ACP4: variants seen among roughly 807,000 people sequenced by gnomAD.
The protein encoded by ACP4 is testicular acid phosphatase.
Under a neutral mutation model 47.3 loss-of-function variants are expected in ACP4, and 49 were observed. The ratio of observed to expected loss-of-function variants is 1.04; its 90% CI spans 0.82 to 1.32. ACP4 has a LOEUF of 1.32. Ranked by LOEUF, ACP4 falls within the 40% of genes most tolerant of loss-of-function variation. The pLI is 0.00. For missense variants in ACP4, 594 were observed against 579.3 expected, an observed-to-expected ratio of 1.03 and a Z score of -0.26; for synonymous variants, 299 against 265.3, an observed-to-expected ratio of 1.13 and a Z score of -1.23.
At position 50,794,853 on chromosome 19, in the gene ACP4, G is replaced by A. The variant is rs1220000432; in HGVS notation, c.1054G>A (p.Gly352Arg). ...AHLPLPLSLP[G>R]CPAPCPLGRF... ...CCTGCCCCTGCCTCTCAGCCTCCCC[G>A]GGTGCCCGGCCCCCTGTCCACTAGG... The change falls in exon 10 of 11, where the codon GGG (glycine) becomes AGG (arginine). Residue 352 changes from glycine (G) to arginine (R), a missense_variant. Transcript: ENST00000270593. 1.1e-5 allele frequency: 17 copies of A among 1,613,584 alleles called. No individual in the cohort carries two copies. The highest frequency in any genetic ancestry group is 5.5e-5 in the South Asian group (5 of 90,980).
At chr19:50,791,200 T>C (rs1463106275) in intron 3 of ACP4, among the ~76,000 whole-genome samples, 1 of 152,182 alleles carries the variant, frequency 6.6e-6, no homozygotes, top group Non-Finnish European at 1.5e-5. Context: ...TGACGTAACT[T>C]GCCCTCTTGA....
Position 50,790,655 on chromosome 19 carries a change from T to G in ACP4, c.173T>G (p.Val58Gly). 7.2e-7 allele frequency: 1 copy of G among 1,389,772 alleles called. No individual in the cohort carries two copies. The highest frequency in any genetic ancestry group is 9.6e-7 in the Non-Finnish European group (1 of 1,045,824). The allele number at this position is 1,389,772 out of a possible 1,614,324, so 86.1% of individuals were successfully genotyped here. Residue 58 changes from valine to glycine, a missense_variant, in exon 2 of 11, where the codon GTG becomes GGG. Physicochemically the swap from Val to Gly is moderately radical, Grantham distance 109. Coordinates refer to ENST00000270593, the MANE Select transcript of ACP4 (RefSeq NM_033068.3). ...ASYPMDPHKE[V>G]ASTLWPRGLG... ...TACCCCATGGACCCACACAAGGAGGTGGCCTCCACCCTGTGGCCACGAGGC... is the reference window on the plus strand; with the variant it reads ...TACCCCATGGACCCACACAAGGAGGGGGCCTCCACCCTGTGGCCACGAGGC...
At chr19:50,793,471 C>T (rs547688536) in intron 6 of ACP4, 42 of 644,870 alleles carry the variant, frequency 6.5e-5, no homozygotes, top group African/African-American at 5.3e-4. Flanking sequence ...GCCAAGATTG[C>T]GCTACTGCAC....
intron 6 of ACP4, chr19:50,793,325 C>G (rs1436732672): frequency 1.3e-5 from 3 of 228,678 alleles, no homozygotes. Flanking sequence ...GTCTGACCAA[C>G]ACGGTAAAAC....
intron 6 of ACP4, chr19:50,792,628 G>C (rs2089519877): frequency 1.8e-4 from 45 of 251,248 alleles, no homozygotes; most frequent in East Asian, 3.1e-4. Flanking sequence ...CCTATAATCA[G>C]AAAACCCAAA....
rs746484672 is a variant in ACP4 at position 50,791,621 on chromosome 19, G to GACCCCCCGCGTGCCCTCTCTCC, written c.304-29_304-8dup. The GACCCCCCGCGTGCCCTCTCTCC allele has an allele frequency of 1.9e-6, 3 of 1,590,010 alleles. No homozygotes were observed. The East Asian group carries it at 6.8e-5, about 36-fold the overall frequency. On this transcript the variant is annotated intron_variant, in intron 3 of 10. Coordinates refer to ENST00000270593, the MANE Select transcript of ACP4 (RefSeq NM_033068.3). ...ACAGCTGACCTCTGTCCCCAACCAC[G>GACCCCCCGCGTGCCCTCTCTCC]ACCCCCCGCGTGCCCTCTCTCCACC...
In ACP4 at chr19:50,791,661, C is replaced by CATCCGCA; in HGVS notation, c.310_316dup (p.Ser106AsnfsTer7). 6.2e-7 allele frequency: 1 copy of CATCCGCA among 1,611,268 alleles called. No homozygotes were observed. The highest frequency in any genetic ancestry group is 8.5e-7 in the Non-Finnish European group (1 of 1,178,398). On this transcript the variant is annotated frameshift_variant, in exon 4 of 11. Coordinates refer to ENST00000270593, the MANE Select transcript of ACP4 (RefSeq NM_033068.3). LOFTEE classifies it high-confidence loss of function. ...CTCTCTCCACCCCGCTCCAGGTGTA[C>CATCCGCA]ATCCGCAGCACGGACTTTGACCGCA...
intron 8 of ACP4, among the ~76,000 whole-genome samples, chr19:50,794,182 T>C (rs537009638): frequency 6.6e-6 from 1 of 152,296 alleles, no homozygotes; most frequent in South Asian, 2.1e-4. Flanking sequence ...ATAAATATAA[T>C]TCCTTGTTTT....
At chr19:50,792,511 G>A in intron 6 of ACP4, 174 bp downstream of exon 6, 1 of 634,076 alleles carries the variant, frequency 1.6e-6, no homozygotes, top group Non-Finnish European at 2.7e-6. Flanking sequence ...GACGCTGTGA[G>A]GATTCAAATG....
At chr19:50,794,751 G>T (rs2123294573) in intron 9 of ACP4, 35 bp from the exon 10 acceptor site, 1 of 1,576,578 alleles carries the variant, frequency 6.3e-7, no homozygotes, top group Non-Finnish European at 8.6e-7. Context: ...TCAATGACAG[G>T]AGGGAGGAGG....
At position 50,790,866 on chromosome 19, in the gene ACP4, GC is replaced by G; in HGVS notation, c.303+8del. 6.5e-7 allele frequency: 1 copy of G among 1,544,336 alleles called. No homozygotes were observed. Among genetic ancestry groups the G allele is most frequent in the Non-Finnish European group, 8.7e-7 (1 of 1,144,536 alleles). On this transcript the variant is annotated splice_region_variant and intron_variant, in intron 3 of 10. Coordinates refer to ENST00000270593, the MANE Select transcript of ACP4 (RefSeq NM_033068.3). ...CGGAGTACCGGCGGGAGGAGGTAGG[GC>G]CATAGTGACCCCCACCTGGCCCCCT...
chr19:50,794,511 ACCCCGCCATATGCTGCCTG>A lies in ACP4; in HGVS notation c.919_937del (p.Pro307SerfsTer47). 6.3e-7 allele frequency: 1 copy of A among 1,597,174 alleles called. No homozygotes were observed. Among genetic ancestry groups the A allele is most frequent in the Non-Finnish European group, 8.5e-7 (1 of 1,172,272 alleles). ...GGCCCTGGGCCTCTATGATGGACAC[ACCCCGCCATATGCTGCCTG>A]CCTCGGCTTTGAGTTCCGGAAGCAC... On this transcript the variant is annotated frameshift_variant, in exon 9 of 11. Transcript: ENST00000270593. LOFTEE classifies it high-confidence loss of function.
Position 50,792,156 on chromosome 19 carries a change from C to G in ACP4, c.534C>G (p.Ala178=). The change falls in exon 5 of 11, where the codon GCC becomes GCG. Residue 178 remains alanine, a synonymous_variant. Coordinates refer to ENST00000270593, the MANE Select transcript of ACP4 (RefSeq NM_033068.3). ...EATEAAEYQE[A]LEGWTGFLSR... is the part of the protein sequence containing the mutation. ...CCGAGGCCGCCGAGTACCAGGAGGC[C>G]CTGGAGGGCTGGACGGTGAGCAGGG... 1 of 1,610,012 alleles carries G rather than the reference C, an allele frequency of 6.2e-7. No homozygotes were observed. The highest frequency in any genetic ancestry group is 8.5e-7 in the Non-Finnish European group (1 of 1,179,426).
rs1178912893 is a variant in ACP4 at position 50,794,791 on chromosome 19, T to C, written c.992T>C (p.Val331Ala). 6.2e-7 allele frequency: 1 copy of C among 1,600,218 alleles called. No homozygotes were observed. Among genetic ancestry groups the C allele is most frequent in the Non-Finnish European group, 8.5e-7 (1 of 1,171,620 alleles). Residue 331 changes from valine to alanine, a missense_variant, in exon 10 of 11, where the codon GTC (valine) becomes GCC (alanine). Physicochemically the swap from Val to Ala is moderately conservative, Grantham distance 64. Transcript: ENST00000270593. Reference sequence around the variant, plus strand: ...ACCATGTCCTCTCTCTCCAGGAATGTCACCGTCTCCCTCTTCTACCGCAAT... The same window carrying C: ...ACCATGTCCTCTCTCTCCAGGAATGCCACCGTCTCCCTCTTCTACCGCAAT... ...LGNPAKDGGNVTVSLFYRNDS... is the reference protein window; with the variant it reads ...LGNPAKDGGNATVSLFYRNDS...
In ACP4 at chr19:50,794,688, T is replaced by C. The variant is rs2089540725; in HGVS notation, c.987-98T>C. ...CCAGGTGGGGAGCTGCATGGGATGA[T>C]GCTGGGAGGATGACAGGTGGGAGTC... On this transcript the variant is annotated intron_variant, in intron 9 of 10. Coordinates refer to ENST00000270593, the MANE Select transcript of ACP4 (RefSeq NM_033068.3). The C allele has an allele frequency of 5.7e-6, 9 of 1,586,880 alleles. No homozygotes were observed. The East Asian group carries it at 2.0e-4, about 36-fold the overall frequency.
intron 5 of ACP4, 27 bp downstream of exon 5, chr19:50,792,198 G>C: frequency 6.2e-7 from 1 of 1,611,172 alleles, no homozygotes; most frequent in East Asian, 2.2e-5. Flanking sequence ...TGGGGGGCGG[G>C]ATGCAGGGGA....
intron 6 of ACP4, chr19:50,792,600 G>C (rs1599911433): frequency 4.4e-6 from 2 of 449,548 alleles, no homozygotes; most frequent in East Asian, 7.2e-5. Context: ...TACACATTTG[G>C]CAACTCCTCC....
chr19:50,791,699 C>T lies in ACP4; in HGVS notation c.347C>T (p.Ala116Val). 1 of 1,613,340 alleles carries T rather than the reference C, an allele frequency of 6.2e-7. No homozygotes were observed. Among genetic ancestry groups the T allele is most frequent in the Non-Finnish European group, 8.5e-7 (1 of 1,179,924 alleles). Residue 116 changes from alanine (A) to valine (V), a missense_variant, in exon 4 of 11, where the codon GCC (alanine) becomes GTC (valine). By Grantham distance (64) the Ala-to-Val change is moderately conservative. Transcript: ENST00000270593. The part of the protein sequence containing the change: ...STDFDRTLES[A>V]QANLAGLFPE... ...GACTTTGACCGCACGCTGGAGAGTG[C>T]CCAGGCCAACCTTGCCGGGCTGTTT...
intron 2 of ACP4, 26 bp downstream of exon 2, chr19:50,790,724 C>T (rs1381928007): frequency 1.1e-6 from 1 of 918,068 alleles, no homozygotes; most frequent in Non-Finnish European, 1.6e-6. Flanking sequence ...GCGGTGAGGG[C>T]AAGGGTGGGA....
Sources: gnomAD v4.1 joint callset for allele counts (sites outside exome capture counted in the v4.1 genomes callset) on GRCh38, gnomAD v4.1.1 for gene constraint, MANE v1.5 for transcripts, NCBI Gene and HGNC (gene_info 2026-07-23, HGNC 2026-07-21) for gene names.